STK32C: variants seen among roughly 807,000 people sequenced by gnomAD.
STK32C encodes serine/threonine kinase 32C.
A neutral mutation model predicts 56.5 loss-of-function variants in STK32C; 31 were observed. The observed-to-expected ratio is 0.55, with a 90% CI of 0.41 to 0.74. STK32C has a LOEUF of 0.74. Among genes scored for constraint, STK32C ranks in the 30% least tolerant of loss-of-function variants. STK32C has a pLI of 0.00. For missense variants in STK32C, 544 were observed against 676.9 expected (o/e 0.80, Z 2.18); for synonymous variants, 309 against 289.4 (o/e 1.07, Z -0.69).
rs12764265 is a variant in STK32C at position 132,255,847 on chromosome 10, C to A, written c.263-9892G>T. On this transcript the variant is annotated intron_variant, in intron 1 of 11. Transcript: ENST00000298630. This position sits in a 1 kb window ranked among gnomAD's most constrained non-coding sequence, Gnocchi z 4.6. ...CCCAGCATTACGTGCGCTGCCCACG[C>A]ATCTCCGAGGGCCCAGCTGGCCACC... 0.25 allele frequency among the ~76,000 whole-genome samples: 38,513 copies of A among 152,144 alleles called. 5,563 individuals are homozygous for A. The highest frequency in any genetic ancestry group is 0.34 in the Non-Finnish European group (23,193 of 67,958).
intron 2 of STK32C, among the ~76,000 whole-genome samples, chr10:132,232,106 G>C (rs1473932014): frequency 6.6e-6 from 1 of 152,290 alleles, no homozygotes; most frequent in East Asian, 1.9e-4. Context: ...CCTCACCTGC[G>C]CTCACGCTGC....
chr10:132,219,900 T>A (rs1269353024), intron 10 of STK32C, among the ~76,000 whole-genome samples: 1 of 151,912 alleles, frequency 6.6e-6, no homozygotes, highest in Non-Finnish European at 1.5e-5. Flanking sequence ...GCACAAGAGT[T>A]TCCCAGGACA....
chr10:132,303,917 C>T (rs1258993456), intron 1 of STK32C, among the ~76,000 whole-genome samples: 4 of 152,246 alleles, frequency 2.6e-5, no homozygotes, highest in Non-Finnish European at 5.9e-5. Context: ...CCGCCACCCA[C>T]TGCACTCGCT....
chr10:132,281,361 CCTCT>C (rs1564773843), intron 1 of STK32C, among the ~76,000 whole-genome samples: 4 of 152,170 alleles, frequency 2.6e-5, no homozygotes, highest in South Asian at 4.2e-4. Context: ...CTTCTTTGGG[CCTCT>C]CTGTTTATTA....
At chr10:132,221,268 A>G (rs1227676443) in intron 10 of STK32C, among the ~76,000 whole-genome samples, 1 of 151,496 alleles carries the variant, frequency 6.6e-6, no homozygotes, top group African/African-American at 2.4e-5. Flanking sequence ...ATCCCCACAC[A>G]CACAACTGAT....
rs1468055046 is a variant in STK32C at position 132,307,874 on chromosome 10, T to TGGCC, written c.-45_-42dup. ...CGCGCGGCAGCCGGAACTCGGGGCA[T>TGGCC]GGCCGGCCGGCAGGGCCGGGAGCGG... is the stretch of plus-strand genomic sequence containing the variant. On this transcript the variant is annotated 5_prime_UTR_variant, in exon 1 of 12. Transcript: ENST00000298630. This position sits in a 1 kb window ranked among gnomAD's most constrained non-coding sequence, Gnocchi z 4.4. The TGGCC allele has an allele frequency of 4.4e-6, 5 of 1,140,518 alleles. No homozygotes were observed. The highest frequency in any genetic ancestry group is 5.4e-6 in the Non-Finnish European group (5 of 923,508). 70.6% of individuals were successfully genotyped at this position (1,140,518 alleles called of 1,614,324 possible).
chr10:132,330,643 AACTACAGGTGTGTGCCACCAC>A (rs1236963732), intron 1 of STK32C, among the ~76,000 whole-genome samples: 7 of 150,772 alleles, frequency 4.6e-5, no homozygotes, highest in Non-Finnish European at 8.9e-5. Flanking sequence ...ACACAGCTGG[AACTACAGGTGTGTGCCACCAC>A]ACCCAGCATT....
intron 1 of STK32C, chr10:132,331,294 C>T (rs2066717492): frequency 1.3e-6 from 1 of 761,312 alleles, no homozygotes; most frequent in South Asian, 1.9e-5. Context: ...ACAGAGGGTG[C>T]TACTTTTCAT....
chr10:132,246,568 C>A (rs1226995551), intron 1 of STK32C, among the ~76,000 whole-genome samples: 1 of 152,176 alleles, frequency 6.6e-6, no homozygotes, highest in African/African-American at 2.4e-5. Context: ...GCATGAGAGC[C>A]GTTCCGCAAG....
chr10:132,259,356 C>G (rs2064230536), intron 1 of STK32C, among the ~76,000 whole-genome samples: 1 of 152,232 alleles, frequency 6.6e-6, no homozygotes, highest in African/African-American at 2.4e-5. Flanking sequence ...GCTGAATTGT[C>G]ATCCCCAGTG....
chr10:132,263,428 G>A (rs746400337), intron 1 of STK32C, among the ~76,000 whole-genome samples: 9 of 152,084 alleles, frequency 5.9e-5, no homozygotes, highest in South Asian at 4.2e-4. Context: ...AATGGACACC[G>A]GGACTGCGAG....
chr10:132,283,781 G>A (rs984089983), intron 1 of STK32C, among the ~76,000 whole-genome samples: 10 of 152,180 alleles, frequency 6.6e-5, no homozygotes, highest in African/African-American at 2.4e-4. Flanking sequence ...GAGAAACACA[G>A]CTGCTGCCTC....
At chr10:132,330,542 C>T (rs2066644218) in intron 1 of STK32C, 1 of 716,024 alleles carries the variant, frequency 1.4e-6, no homozygotes, top group Admixed American at 2.0e-5. Context: ...CAGGGTCTCG[C>T]TGTCACCGAA....
intron 2 of STK32C, among the ~76,000 whole-genome samples, chr10:132,235,184 A>G (rs2063235936): frequency 6.6e-6 from 1 of 152,192 alleles, no homozygotes; most frequent in Non-Finnish European, 1.5e-5. Context: ...TGATGGCAGA[A>G]GCAGATTAAA....
chr10:132,230,161 G>A lies in STK32C; in HGVS notation c.319-2033C>T, dbSNP rs527637104. 1.1e-4 allele frequency among the ~76,000 whole-genome samples: 17 copies of A among 152,358 alleles called. No homozygotes were observed. In the East Asian group the frequency reaches 1.2e-3, roughly 10 times the overall value. On this transcript the variant is annotated intron_variant, in intron 2 of 11. Coordinates refer to ENST00000298630, the MANE Select transcript of STK32C (RefSeq NM_173575.4). ...CCGCCTTGGGAGGGCGGGGCGGGGC[G>A]GGATTTCTCCTGAACTTCCTGCATT...
intron 10 of STK32C, among the ~76,000 whole-genome samples, chr10:132,221,201 C>T (rs1457572922): frequency 2.0e-5 from 3 of 151,438 alleles, no homozygotes; most frequent in Non-Finnish European, 4.4e-5. Flanking sequence ...CGTGGCTGTC[C>T]CGGCACACAC....
At chr10:132,270,353 G>A (rs991849211) in intron 1 of STK32C, among the ~76,000 whole-genome samples, 1 of 152,270 alleles carries the variant, frequency 6.6e-6, no homozygotes, top group Non-Finnish European at 1.5e-5. Flanking sequence ...ACCAGGGAAG[G>A]TGATACCACA....
At chr10:132,226,080 C>A (rs2062879046) in intron 4 of STK32C, among the ~76,000 whole-genome samples, 5 of 152,242 alleles carry the variant, frequency 3.3e-5, no homozygotes, top group Admixed American at 3.3e-4. Flanking sequence ...CTGGCAGGGT[C>A]TGCCCTCCCC....
intron 1 of STK32C, among the ~76,000 whole-genome samples, chr10:132,272,092 G>A (rs993311998): frequency 2.6e-5 from 4 of 152,236 alleles, no homozygotes; most frequent in Non-Finnish European, 5.9e-5. Flanking sequence ...CTGTGCCCCC[G>A]AAGTCCTAAG....
Sources: gnomAD v4.1 joint callset for allele counts (sites outside exome capture counted in the v4.1 genomes callset) on GRCh38, gnomAD v4.1.1 for gene constraint, Gnocchi (gnomAD v3.1) non-coding constraint, MANE v1.5 for transcripts, NCBI Gene and HGNC (gene_info 2026-07-23, HGNC 2026-07-21) for gene names.